The following SPTLC1 variants were observed in gnomAD, a reference collection of about 807,000 sequenced individuals.
SPTLC1 encodes the protein serine palmitoyltransferase long chain base subunit 1, also known as serine palmitoyltransferase 1.
SPTLC1 carries 55 observed loss-of-function variants against 68.9 expected under a neutral mutation model. That is an observed-to-expected ratio of 0.80 (90% CI 0.64 to 1.00). SPTLC1 has a LOEUF of 1.00. Among genes scored for constraint, SPTLC1 ranks in the 50% least tolerant of loss-of-function variants. The probability of loss-of-function intolerance (pLI) is 0.00; values close to 1 mark genes in which losing one functional copy is unlikely to be tolerated. For missense variants in SPTLC1, 449 were observed against 573.1 expected (o/e 0.78, Z 2.21); for synonymous variants, 197 against 201.6 (o/e 0.98, Z 0.19).
intron 5 of SPTLC1, among the ~76,000 whole-genome samples, chr9:92,073,376 G>A (rs542969642): frequency 1.3e-5 from 2 of 152,336 alleles, no homozygotes; most frequent in East Asian, 3.9e-4. Context: ...CCAGGCACTA[G>A]GGCAGTACCC....
In SPTLC1 at chr9:92,057,190, G is replaced by C. The variant is rs1587927018; in HGVS notation, c.691-1696C>G. 2.0e-5 allele frequency among the ~76,000 whole-genome samples: 3 copies of C among 152,146 alleles called. No homozygotes were observed. The South Asian group carries it at 6.2e-4, about 32-fold the overall frequency. On this transcript the variant is annotated intron_variant, in intron 7 of 14. Coordinates refer to ENST00000262554, the MANE Select transcript of SPTLC1 (RefSeq NM_006415.4). ...CTGTGAGCATTTCTAAATTATTTCG[G>C]ATTACATGATTTTAATGGAGACGTT...
At chr9:92,055,902 TTCAATG>T (rs1159888206) in intron 7 of SPTLC1, among the ~76,000 whole-genome samples, 4 of 152,226 alleles carry the variant, frequency 2.6e-5, no homozygotes, top group African/African-American at 7.2e-5. Flanking sequence ...ATTCATGTGA[TTCAATG>T]TCTGTCAATT....
intron 5 of SPTLC1, 125 bp downstream of exon 5, chr9:92,079,891 G>T: frequency 1.2e-6 from 1 of 835,562 alleles, no homozygotes; most frequent in Non-Finnish European, 2.1e-6. Context: ...CTGGGCTCAA[G>T]GAATCCTCCC....
At chr9:92,101,853 C>T (rs1481603161) in intron 3 of SPTLC1, among the ~76,000 whole-genome samples, 3 of 151,592 alleles carry the variant, frequency 2.0e-5, no homozygotes, top group African/African-American at 7.3e-5. Flanking sequence ...AGAAAAGAGA[C>T]AAAGACACAG....
At chr9:92,081,064 C>T (rs1834868627) in intron 3 of SPTLC1, 101 bp from the exon 4 acceptor site, 2 of 842,920 alleles carry the variant, frequency 2.4e-6, no homozygotes, top group South Asian at 2.8e-5. Context: ...TGTCATCCTA[C>T]CCTATTTGCA....
chr9:92,051,394 G>T, intron 8 of SPTLC1: 1 of 428,762 alleles, frequency 2.3e-6, no homozygotes, highest in Non-Finnish European at 3.1e-6. Flanking sequence ...CCCAATAAAT[G>T]CAGAAAAAAA....
intron 4 of SPTLC1, among the ~76,000 whole-genome samples, chr9:92,080,343 A>G (rs537772073): frequency 2.2e-4 from 33 of 152,278 alleles, no homozygotes; most frequent in African/African-American, 7.9e-4. Flanking sequence ...TTAGCCCACA[A>G]TCCCAATAGG....
chr9:92,042,988 C>G (rs1833402658), intron 12 of SPTLC1, among the ~76,000 whole-genome samples: 1 of 152,150 alleles, frequency 6.6e-6, no homozygotes, highest in Non-Finnish European at 1.5e-5. Context: ...TTCTCTTGAC[C>G]AATTTCTTTC....
At chr9:92,034,639 A>C (rs1833081298) in intron 14 of SPTLC1, among the ~76,000 whole-genome samples, 171 bp downstream of exon 14, 1 of 152,202 alleles carries the variant, frequency 6.6e-6, no homozygotes, top group Non-Finnish European at 1.5e-5. Context: ...TTTCAGTTAA[A>C]ATTTTAGAAA....
chr9:92,104,558 C>A, intron 3 of SPTLC1: 2 of 1,459,724 alleles, frequency 1.4e-6, no homozygotes, highest in South Asian at 2.4e-5. Flanking sequence ...ACACCTCAGC[C>A]CCGTGAGGAT....
Position 92,047,152 on chromosome 9 carries a change from G to A in SPTLC1, c.1081+20C>T. The A allele has an allele frequency of 1.3e-6, 2 of 1,580,600 alleles. No individual in the cohort carries two copies. The highest frequency in any genetic ancestry group is 1.7e-6 in the Non-Finnish European group (2 of 1,150,332). ...TAACCTGAAATCTCTTTGATTCCTTGGGTTTTTAAAGGGTTATACCTGGAT... is the reference window on the plus strand; with the variant it reads ...TAACCTGAAATCTCTTTGATTCCTTAGGTTTTTAAAGGGTTATACCTGGAT... On this transcript the variant is annotated intron_variant, in intron 11 of 14. Transcript: ENST00000262554.
intron 13 of SPTLC1, 91 bp from the exon 14 acceptor site, chr9:92,034,974 T>G: frequency 2.4e-5 from 24 of 1,009,038 alleles, no homozygotes; most frequent in Non-Finnish European, 3.7e-5. Flanking sequence ...CAACGGTAGC[T>G]TTAATTCACT....
At chr9:92,076,739 CT>C (rs1834694361) in intron 5 of SPTLC1, 1 of 152,212 alleles carries the variant, frequency 6.6e-6, no homozygotes, top group African/African-American at 2.4e-5. Context: ...CAATTTATCC[CT>C]GCTCAAGATT....
rs755061220 is a variant in SPTLC1 at position 92,059,225 on chromosome 9, G to C, written c.644C>G (p.Ala215Gly). The change falls in exon 7 of 15, where the codon GCT becomes GGT. Residue 215 changes from alanine (A) to glycine (G), a missense_variant. Physicochemically the swap from Ala to Gly is moderately conservative, Grantham distance 60. Coordinates refer to ENST00000262554, the MANE Select transcript of SPTLC1 (RefSeq NM_006415.4). Reference protein sequence around the residue: ...DIKLFKHNDMADLERLLKEQE... With the variant: ...DIKLFKHNDMGDLERLLKEQE... ...TTCTTTTAGTAGTCGCTCGAGGTCA[G>C]CCATGTCATTATGCTTAAATAACTT... The C allele has an allele frequency of 6.2e-7, 1 of 1,613,988 alleles. No homozygotes were observed. Among genetic ancestry groups the C allele is most frequent in the South Asian group, 1.1e-5 (1 of 91,052 alleles).
chr9:92,049,434 G>A (rs182226678), intron 9 of SPTLC1, among the ~76,000 whole-genome samples: 1 of 152,082 alleles, frequency 6.6e-6, no homozygotes, highest in Non-Finnish European at 1.5e-5. Context: ...ACCTCATTCT[G>A]TTTGGGACTT....
At position 92,095,906 on chromosome 9, in the gene SPTLC1, G is replaced by A. The variant is rs116369285; in HGVS notation, c.260+12834C>T. 7.7e-3 allele frequency among the ~76,000 whole-genome samples: 1,173 copies of A among 152,300 alleles called. 9 individuals are homozygous for A. Among genetic ancestry groups the A allele is most frequent in the African/African-American group, 0.025 (1,040 of 41,570 alleles). ...TAAACACTGGAAAACGGGAAAGGCC[G>A]ACAACAGGAGGACTGGCTGGGTGCC... On this transcript the variant is annotated intron_variant, in intron 3 of 14. Coordinates refer to ENST00000262554, the MANE Select transcript of SPTLC1 (RefSeq NM_006415.4).
intron 1 of SPTLC1, among the ~76,000 whole-genome samples, chr9:92,113,145 A>G (rs770350576): frequency 1.3e-5 from 2 of 152,184 alleles, no homozygotes; most frequent in Non-Finnish European, 2.9e-5. Context: ...CAGAATCCCA[A>G]TATTAACCAT....
chr9:92,090,539 G>A (rs1055506786), intron 3 of SPTLC1, among the ~76,000 whole-genome samples: 1 of 151,936 alleles, frequency 6.6e-6, no homozygotes. Context: ...TTGCACCTGG[G>A]AGAGAGACAC....
At chr9:92,056,419 G>T (rs2118516052) in intron 7 of SPTLC1, among the ~76,000 whole-genome samples, 1 of 152,226 alleles carries the variant, frequency 6.6e-6, no homozygotes, top group East Asian at 1.9e-4. Context: ...AGTAGAGATG[G>T]GGTTTCACCA....
Sources: allele counts gnomAD v4.1 joint callset (sites outside exome capture counted in the v4.1 genomes callset), GRCh38; gene constraint gnomAD v4.1.1; transcripts MANE v1.5; gene names NCBI Gene and HGNC (gene_info 2026-07-23, HGNC 2026-07-21).